Variants in DNAJC10 observed in about 807,000 individuals in gnomAD.
DNAJC10 encodes the protein endoplasmic reticulum disulfide reductase DNAJC10.
DNAJC10 carries 101 observed loss-of-function variants against 115.0 expected under a neutral mutation model. The observed-to-expected ratio is 0.88, with a 90% CI of 0.75 to 1.04. DNAJC10 has a LOEUF of 1.04. Ranked by LOEUF, DNAJC10 falls within the 50% of genes least tolerant of loss-of-function variation. The pLI is 0.00. For missense variants in DNAJC10, 981 were observed against 928.8 expected, an observed-to-expected ratio of 1.06 and a Z score of -0.73; for synonymous variants, 307 against 301.5, an observed-to-expected ratio of 1.02 and a Z score of -0.19.
At chr2:182,775,468 A>G (rs1313732919) in intron 23 of DNAJC10, 48 bp downstream of exon 23, 2 of 1,256,604 alleles carry the variant, frequency 1.6e-6, no homozygotes, top group Non-Finnish European at 2.3e-6. Flanking sequence ...GGCAAAAGTT[A>G]GCAAAATCTA....
At chr2:182,738,416 T>C (rs1195001683) in intron 11 of DNAJC10, among the ~76,000 whole-genome samples, 1 of 152,170 alleles carries the variant, frequency 6.6e-6, no homozygotes, top group Non-Finnish European at 1.5e-5. Flanking sequence ...CTGGGCTTCA[T>C]GATAGAAAAT....
At chr2:182,721,945 A>G (rs1450737649) in intron 4 of DNAJC10, 80 bp from the exon 5 acceptor site, 2 of 791,974 alleles carry the variant, frequency 2.5e-6, no homozygotes, top group Non-Finnish European at 2.0e-6. Context: ...TTTGATGATT[A>G]AAACGAGTAA....
chr2:182,733,026 AATGTT>A (rs999263223), intron 10 of DNAJC10, among the ~76,000 whole-genome samples: 11 of 151,978 alleles, frequency 7.2e-5, no homozygotes, highest in African/African-American at 2.2e-4. Flanking sequence ...TGAATATAAT[AATGTT>A]ATGTTAGGTG....
In DNAJC10 at chr2:182,731,016, C is replaced by T. The variant is rs1553487843; in HGVS notation, c.728-14C>T. 8 of 1,596,182 alleles carry T rather than the reference C, an allele frequency of 5.0e-6. No individual in the cohort carries two copies. In the Admixed American group the frequency reaches 5.3e-5, roughly 11 times the overall value. On this transcript the variant is annotated splice_polypyrimidine_tract_variant and intron_variant, in intron 8 of 23. Coordinates refer to ENST00000264065, the MANE Select transcript of DNAJC10 (RefSeq NM_018981.4). ...TAGGTGATCAGAATTTGCTTTTTTT[C>T]TTTTATTTTTAAGGAAATTTTGTCA...
Position 182,720,017 on chromosome 2 carries a change from A to G in DNAJC10, c.215A>G (p.Asn72Ser). The change falls in exon 4 of 24, where the codon AAT (asparagine) becomes AGT (serine). Residue 72 changes from asparagine (N) to serine (S), a missense_variant. Physicochemically the swap from Asn to Ser is conservative, Grantham distance 46 (BLOSUM62 1). Coordinates refer to ENST00000264065, the MANE Select transcript of DNAJC10 (RefSeq NM_018981.4). Reference protein sequence around the residue: ...LHPDKNPNNPNAHGDFLKINR... With the variant: ...LHPDKNPNNPSAHGDFLKINR... ...AATATTTTTTAACAGAATAACCCAA[A>G]TGCACATGGCGATTTTTTAAAAATA... 6.5e-7 allele frequency: 1 copy of G among 1,546,326 alleles called. No individual in the cohort carries two copies. The highest frequency in any genetic ancestry group is 8.9e-7 in the Non-Finnish European group (1 of 1,128,006).
At chr2:182,741,194 C>A (rs1693728907) in intron 12 of DNAJC10, 49 bp from the exon 13 acceptor site, 2 of 1,241,560 alleles carry the variant, frequency 1.6e-6, no homozygotes, top group African/African-American at 1.5e-5. Context: ...AGATTAGAAC[C>A]CTTAGAATTT....
chr2:182,751,878 A>G (rs1420114752), intron 15 of DNAJC10, 93 bp downstream of exon 15: 5 of 1,485,422 alleles, frequency 3.4e-6, no homozygotes, highest in Non-Finnish European at 3.7e-6. Context: ...AATCATTAGT[A>G]CAAAAACTGT....
chr2:182,739,042 C>T (rs558945746), intron 11 of DNAJC10, among the ~76,000 whole-genome samples: 1 of 151,706 alleles, frequency 6.6e-6, no homozygotes, highest in African/African-American at 2.4e-5. Context: ...TAGTAAAAGT[C>T]TTCATAGTGA....
chr2:182,769,589 T>C (rs1396295663), intron 22 of DNAJC10, among the ~76,000 whole-genome samples: 5 of 152,224 alleles, frequency 3.3e-5, no homozygotes, highest in Non-Finnish European at 1.5e-5. Context: ...ATGATGAGCA[T>C]TTTTTCATGC....
At chr2:182,739,189 C>CATATATATTT (rs1305837050) in intron 11 of DNAJC10, among the ~76,000 whole-genome samples, 25 of 142,778 alleles carry the variant, frequency 1.8e-4, no homozygotes, top group Non-Finnish European at 3.1e-4. Flanking sequence ...TAGTATATAT[C>CATATATATTT]ATATATATTT....
intron 17 of DNAJC10, 28 bp from the exon 18 acceptor site, chr2:182,756,286 G>T (rs201466374): frequency 6.3e-7 from 1 of 1,589,272 alleles, no homozygotes; most frequent in Non-Finnish European, 8.6e-7. Context: ...TTATATATAT[G>T]TTATAATGGA....
chr2:182,722,381 TTTGA>T (rs1287556857), intron 5 of DNAJC10, among the ~76,000 whole-genome samples: 1 of 152,156 alleles, frequency 6.6e-6, no homozygotes, highest in Non-Finnish European at 1.5e-5. Flanking sequence ...CTCAGAGCTT[TTTGA>T]TTTTAGAGTT....
rs1031587244 is a variant in DNAJC10, at chr2:182,762,861, C to T, written c.2265+60C>T. The T allele has an allele frequency of 6.5e-6, 10 of 1,532,392 alleles. No homozygotes were observed. The African/African-American group carries it at 1.4e-4, about 21-fold the overall frequency. 94.9% of individuals were successfully genotyped at this position (1,532,392 alleles called of 1,614,324 possible). ...TAGGCCAAGCTCAAAAGATGTGTTT[C>T]AGTCTGAGTAATGTTTTTTTTCTGT... On this transcript the variant is annotated intron_variant, in intron 22 of 23. Coordinates refer to ENST00000264065, the MANE Select transcript of DNAJC10 (RefSeq NM_018981.4).
chr2:182,739,699 A>C (rs1424996946), intron 11 of DNAJC10: 1 of 1,030,102 alleles, frequency 9.7e-7, no homozygotes, highest in Admixed American at 5.4e-5. Context: ...AACAAGTTTA[A>C]GATAAGATCT....
intron 16 of DNAJC10, among the ~76,000 whole-genome samples, chr2:182,754,070 A>G (rs888927274): frequency 6.6e-6 from 1 of 152,158 alleles, no homozygotes; most frequent in Non-Finnish European, 1.5e-5. Flanking sequence ...TTAGTTTCCT[A>G]ATTTATACAG....
At chr2:182,762,919 C>CAT in intron 22 of DNAJC10, 118 bp downstream of exon 22, 4 of 1,153,086 alleles carry the variant, frequency 3.5e-6, no homozygotes, top group East Asian at 5.3e-5. Flanking sequence ...TATATTATTA[C>CAT]ATATTACTGA....
chr2:182,754,678 A>G, intron 16 of DNAJC10: 3 of 856,710 alleles, frequency 3.5e-6, no homozygotes, highest in Non-Finnish European at 4.3e-6. Context: ...CCTGTTGTTT[A>G]TAGCCTCTTC....
intron 14 of DNAJC10, among the ~76,000 whole-genome samples, chr2:182,744,652 T>G (rs1013307742): frequency 6.6e-6 from 1 of 152,082 alleles, no homozygotes; most frequent in Admixed American, 6.6e-5. Flanking sequence ...AGTCAGACAT[T>G]CTGCCAGAAG....
chr2:182,761,984 C>T (rs1014065999), intron 21 of DNAJC10, among the ~76,000 whole-genome samples: 1 of 152,024 alleles, frequency 6.6e-6, no homozygotes, highest in African/African-American at 2.4e-5. Flanking sequence ...AAGGAGTGGT[C>T]AGCAGTAAAC....
Sources: allele counts gnomAD v4.1 joint callset (sites outside exome capture counted in the v4.1 genomes callset), GRCh38; gene constraint gnomAD v4.1.1; transcripts MANE v1.5; gene names NCBI Gene and HGNC (gene_info 2026-07-23, HGNC 2026-07-21).